Variants in PLCH1 observed in about 807,000 individuals in gnomAD.
PLCH1 encodes the protein phospholipase C eta 1.
In PLCH1, 60 loss-of-function variants were observed where a neutral mutation model predicts 126.7. The observed-to-expected ratio is 0.47, with a 90% confidence interval of 0.38 to 0.59. The LOEUF is 0.59. Ranked by LOEUF, PLCH1 falls within the 20% of genes least tolerant of loss-of-function variation. PLCH1 has a pLI of 0.00. For synonymous variants in PLCH1, 719 were observed against 734.9 expected (o/e 0.98, Z 0.35); for missense variants, 1,723 against 2,040.0 (o/e 0.84, Z 2.99).
At chr3:155,548,951 C>G (rs1284027473) in intron 10 of PLCH1, among the ~76,000 whole-genome samples, 2 of 152,144 alleles carry the variant, frequency 1.3e-5, no homozygotes, top group Non-Finnish European at 2.9e-5. Flanking sequence ...CCTTGACTTT[C>G]CTGCTCCTCC....
intron 6 of PLCH1, among the ~76,000 whole-genome samples, chr3:155,577,612 C>T (rs185562517): frequency 2.4e-3 from 364 of 152,210 alleles, no homozygotes; most frequent in Middle Eastern, 0.01. Flanking sequence ...TCTTTTGAGT[C>T]ATGCTCATAT....
chr3:155,566,285 A>G (rs1257181059), intron 7 of PLCH1, among the ~76,000 whole-genome samples: 1 of 34,096 alleles, frequency 2.9e-5, no homozygotes, highest in African/African-American at 6.3e-5. Flanking sequence ...ATATACATAT[A>G]TATACGTATA....
At chr3:155,493,895 A>G (rs553406199) in intron 17 of PLCH1, among the ~76,000 whole-genome samples, 71 of 152,334 alleles carry the variant, frequency 4.7e-4, no homozygotes, top group African/African-American at 1.6e-3. Context: ...AATGCTATCC[A>G]TGTCCCTCTT....
intron 1 of PLCH1, among the ~76,000 whole-genome samples, chr3:155,728,905 A>G (rs1340250224): frequency 1.3e-5 from 2 of 152,228 alleles, no homozygotes; most frequent in Non-Finnish European, 1.5e-5. Context: ...CAATGTTAAC[A>G]TATTTGATTG....
intron 4 of PLCH1, among the ~76,000 whole-genome samples, chr3:155,587,263 G>A (rs988262416): frequency 6.6e-6 from 1 of 152,160 alleles, no homozygotes; most frequent in South Asian, 2.1e-4. Context: ...CTTCTCCTAT[G>A]CCCTTTTACC....
intron 2 of PLCH1, among the ~76,000 whole-genome samples, chr3:155,633,900 C>T (rs758071855): frequency 3.3e-5 from 5 of 152,078 alleles, no homozygotes; most frequent in Non-Finnish European, 7.4e-5. Context: ...AGCAACAGAG[C>T]GAGACTCTGT....
chr3:155,498,257 G>A (rs1043464827), intron 14 of PLCH1, among the ~76,000 whole-genome samples: 1 of 152,170 alleles, frequency 6.6e-6, no homozygotes, highest in Non-Finnish European at 1.5e-5. Flanking sequence ...TGGCAATTCA[G>A]ATATGCCAAA....
At chr3:155,566,548 G>A (rs1007381532) in intron 7 of PLCH1, among the ~76,000 whole-genome samples, 3 of 151,562 alleles carry the variant, frequency 2.0e-5, no homozygotes, top group Non-Finnish European at 4.4e-5. Context: ...AGGTTATTAC[G>A]TTCATCTGAA....
At chr3:155,620,101 C>T (rs887494869) in intron 2 of PLCH1, among the ~76,000 whole-genome samples, 2 of 152,046 alleles carry the variant, frequency 1.3e-5, no homozygotes, top group African/African-American at 4.8e-5. Flanking sequence ...ATTTCAAAAT[C>T]GTTTTTAAAA....
intron 7 of PLCH1, among the ~76,000 whole-genome samples, chr3:155,565,335 C>A (rs1038518341): frequency 5.9e-5 from 9 of 152,208 alleles, no homozygotes; most frequent in Middle Eastern, 3.4e-3. Context: ...GAAATATAAT[C>A]CCCTATGTTG....
intron 9 of PLCH1, among the ~76,000 whole-genome samples, chr3:155,552,484 C>G (rs1198916126): frequency 6.6e-6 from 1 of 152,144 alleles, no homozygotes; most frequent in Non-Finnish European, 1.5e-5. Context: ...AGGGACAATA[C>G]TTAAACGGCC....
At chr3:155,613,352 CA>C (rs35926888) in intron 2 of PLCH1, among the ~76,000 whole-genome samples, 73,258 of 151,022 alleles carry the variant, frequency 0.49, 19,965 homozygotes, top group African/African-American at 0.73. Context: ...ACACCAACAA[CA>C]AAAAAAAACA....
chr3:155,577,384 T>C (rs1730119587), intron 6 of PLCH1, among the ~76,000 whole-genome samples: 1 of 151,790 alleles, frequency 6.6e-6, no homozygotes, highest in South Asian at 2.1e-4. Flanking sequence ...TTTCCATTGT[T>C]TTTTTTTTCC....
intron 12 of PLCH1, among the ~76,000 whole-genome samples, chr3:155,511,289 C>T (rs1719442822): frequency 7.5e-6 from 1 of 133,288 alleles, no homozygotes; most frequent in Admixed American, 7.3e-5. Flanking sequence ...ACTTCTTTGC[C>T]TTTGGTTTGA....
At chr3:155,531,658 C>A (rs944227152) in intron 10 of PLCH1, among the ~76,000 whole-genome samples, 2 of 152,168 alleles carry the variant, frequency 1.3e-5, no homozygotes, top group East Asian at 3.9e-4. Context: ...TTTAGTGTAG[C>A]CACCTTCATC....
At chr3:155,633,654 C>T (rs1242637071) in intron 2 of PLCH1, among the ~76,000 whole-genome samples, 1 of 152,182 alleles carries the variant, frequency 6.6e-6, no homozygotes, top group East Asian at 1.9e-4. Context: ...GGTGCGCTGG[C>T]CCACGCCTAT....
intron 6 of PLCH1, among the ~76,000 whole-genome samples, chr3:155,583,041 T>G (rs952767982): frequency 2.0e-5 from 3 of 151,162 alleles, no homozygotes; most frequent in African/African-American, 7.3e-5. Flanking sequence ...GTTAAATATC[T>G]AGCTATTTTA....
In PLCH1 at chr3:155,679,806, A is replaced by G. The variant is rs141886848; in HGVS notation, c.79+24340T>C. Among the ~76,000 whole-genome samples the G allele has an allele frequency of 2.6e-5, 4 of 152,324 alleles. No homozygotes were observed. In the East Asian group the frequency reaches 7.7e-4, roughly 29 times the overall value. On this transcript the variant is annotated intron_variant, in intron 2 of 22. Transcript: ENST00000460012. ...TGAAAATTCTGCAAGGAGATATATT[A>G]GTATCCACATTTTAAAGGTAAGAAA...
intron 1 of PLCH1, among the ~76,000 whole-genome samples, chr3:155,732,796 T>G (rs959886993): frequency 2.8e-4 from 41 of 148,738 alleles, no homozygotes; most frequent in African/African-American, 8.5e-4. Context: ...GAGAATCACT[T>G]GAATTCAGGA....
Sources: allele counts gnomAD v4.1 joint callset (sites outside exome capture counted in the v4.1 genomes callset), GRCh38; gene constraint gnomAD v4.1.1; transcripts MANE v1.5; gene names NCBI Gene and HGNC (gene_info 2026-07-23, HGNC 2026-07-21).